Variants in PEX14 observed in about 807,000 individuals in gnomAD.
PEX14 encodes the protein peroxisomal biogenesis factor 14, also known as peroxisomal membrane protein PEX14.
In PEX14, 15 loss-of-function variants were observed where a neutral mutation model predicts 49.5. That is an observed-to-expected ratio of 0.30 (90% CI 0.20 to 0.47). PEX14 has a LOEUF of 0.47. Ranked by LOEUF, PEX14 falls within the 20% of genes least tolerant of loss-of-function variation. The pLI is 1.00. For synonymous variants in PEX14, 210 were observed against 212.7 expected, an observed-to-expected ratio of 0.99 and a Z score of 0.11; for missense variants, 398 against 494.8, an observed-to-expected ratio of 0.80 and a Z score of 1.86.
At chr1:10,506,809 G>C (rs1468305406) in intron 2 of PEX14, among the ~76,000 whole-genome samples, 2 of 152,164 alleles carry the variant, frequency 1.3e-5, no homozygotes, top group Non-Finnish European at 2.9e-5. Context: ...TGTGTTATGG[G>C]TAGGGTTTAT....
At chr1:10,577,556 ATATATATTTTT>A (rs1640175909) in intron 3 of PEX14, among the ~76,000 whole-genome samples, 5 of 5,892 alleles carry the variant, frequency 8.5e-4, no homozygotes, top group African/African-American at 1.8e-3. Flanking sequence ...ATATATATAT[ATATATATTTTT>A]TTTTTTTTTT....
chr1:10,583,224 CTT>C (rs59269485), intron 3 of PEX14, among the ~76,000 whole-genome samples: 113 of 143,092 alleles, frequency 7.9e-4, no homozygotes, highest in African/African-American at 2.5e-3. Context: ...TCTTTCTACA[CTT>C]TTTTTTTTTT....
chr1:10,624,414 G>T lies in PEX14; in HGVS notation c.562G>T (p.Ala188Ser), dbSNP rs1641686317. Reference sequence around the variant, plus strand: ...GCAGCAGCAGAAGATCCAGGAGCTTGCCCACGAGCTGGCCGCTGCCAAGGT... The same window carrying T: ...GCAGCAGCAGAAGATCCAGGAGCTTTCCCACGAGCTGGCCGCTGCCAAGGT... Reference protein sequence around the residue: ...IQQQQKIQELAHELAAAKATT... With the variant: ...IQQQQKIQELSHELAAAKATT... The change falls in exon 7 of 9, where the codon GCC becomes TCC. Residue 188 changes from alanine (A) to serine (S), a missense_variant. Physicochemically the swap from Ala to Ser is moderately conservative, Grantham distance 99. Around this residue, in one of 3 missense-constraint regions of PEX14, gnomAD observed 202 missense variants for 298.5 expected, o/e 0.68. Coordinates refer to ENST00000356607, the MANE Select transcript of PEX14 (RefSeq NM_004565.3). 1 of 1,612,736 alleles carries T rather than the reference G, an allele frequency of 6.2e-7. No homozygotes were observed. Among genetic ancestry groups the T allele is most frequent in the South Asian group, 1.1e-5 (1 of 91,060 alleles).
chr1:10,610,372 TACACAC>T lies in PEX14; in HGVS notation c.299-7938_299-7933del, dbSNP rs996925845. ...ATAACTTTACATATATATATATATA[TACACAC>T]ACACACACACACACACACACATATA... On this transcript the variant is annotated intron_variant, in intron 4 of 8. Coordinates refer to ENST00000356607, the MANE Select transcript of PEX14 (RefSeq NM_004565.3). Among the ~76,000 whole-genome samples, 1,067 of 129,058 alleles carry T rather than the reference TACACAC, an allele frequency of 8.3e-3. 14 individuals carry two copies. The highest frequency in any genetic ancestry group is 0.032 in the African/African-American group (1,021 of 32,082). 84.7% of individuals were successfully genotyped at this position (129,058 alleles called of 152,430 possible). A position where few individuals can be genotyped will look rare whatever the true frequency, so the allele number is the denominator to read the frequency against.
chr1:10,499,723 A>G (rs534841733), intron 2 of PEX14, among the ~76,000 whole-genome samples: 2 of 152,280 alleles, frequency 1.3e-5, no homozygotes, highest in East Asian at 3.9e-4. Context: ...CTGGGATTAC[A>G]GGTGTGAGCC....
intron 5 of PEX14, among the ~76,000 whole-genome samples, chr1:10,619,180 CA>C (rs1161558234): frequency 6.6e-6 from 1 of 152,118 alleles, no homozygotes; most frequent in East Asian, 1.9e-4. Flanking sequence ...TGTGAAGGCC[CA>C]ACTTGGACGT....
intron 3 of PEX14, among the ~76,000 whole-genome samples, chr1:10,549,557 A>G (rs1163696399): frequency 1.3e-5 from 2 of 152,190 alleles, no homozygotes; most frequent in African/African-American, 4.8e-5. Flanking sequence ...TTCCCAATCA[A>G]AGGCTCTCCT....
chr1:10,555,116 G>A (rs879376064), intron 3 of PEX14, among the ~76,000 whole-genome samples: 3 of 151,954 alleles, frequency 2.0e-5, no homozygotes, highest in Non-Finnish European at 4.4e-5. Flanking sequence ...CCACCTGCAG[G>A]ACTGACCCTA....
intron 3 of PEX14, among the ~76,000 whole-genome samples, chr1:10,591,839 G>A (rs899839455): frequency 3.9e-5 from 6 of 152,182 alleles, no homozygotes; most frequent in African/African-American, 1.4e-4. Flanking sequence ...CATGCTCCCC[G>A]CCCCCTGCCC....
At chr1:10,533,394 C>T (rs1447371097) in intron 2 of PEX14, among the ~76,000 whole-genome samples, 1 of 152,086 alleles carries the variant, frequency 6.6e-6, no homozygotes, top group East Asian at 1.9e-4. Context: ...AGAAATTGTT[C>T]ATATTTTTGC....
At chr1:10,475,032 G>A (rs776689876) in intron 1 of PEX14, 30 bp downstream of exon 1, 6 of 1,597,956 alleles carry the variant, frequency 3.8e-6, no homozygotes, top group African/African-American at 1.3e-5. Context: ...CCCGCTGTGC[G>A]GCGGAGACCC....
intron 3 of PEX14, among the ~76,000 whole-genome samples, chr1:10,589,355 G>T (rs1351067212): frequency 6.6e-6 from 1 of 152,170 alleles, no homozygotes; most frequent in African/African-American, 2.4e-5. Flanking sequence ...TGCAACACTT[G>T]TGGAGTGAAA....
chr1:10,558,298 G>A (rs562169034), intron 3 of PEX14, among the ~76,000 whole-genome samples: 12 of 151,894 alleles, frequency 7.9e-5, no homozygotes, highest in East Asian at 3.9e-4. Context: ...GTGAGCCACC[G>A]TGCCCGGCCT....
Position 10,497,278 on chromosome 1 carries a change from T to G in PEX14, c.84+1957T>G, listed in dbSNP as rs567720431. 9.9e-4 allele frequency among the ~76,000 whole-genome samples: 151 copies of G among 152,232 alleles called. 1 individual carries two copies. Among genetic ancestry groups the G allele is most frequent in the African/African-American group, 3.5e-3 (145 of 41,554 alleles). On this transcript the variant is annotated intron_variant, in intron 2 of 8. Coordinates refer to ENST00000356607, the MANE Select transcript of PEX14 (RefSeq NM_004565.3). Reference sequence around the variant, plus strand: ...TCAGGCAGAGGAGCCCGCTGAGGACTCGTGTGGCAGGGCGGGGGCACAAGA... The same window carrying G: ...TCAGGCAGAGGAGCCCGCTGAGGACGCGTGTGGCAGGGCGGGGGCACAAGA...
At chr1:10,546,433 C>G (rs1034018628) in intron 3 of PEX14, among the ~76,000 whole-genome samples, 2 of 151,794 alleles carry the variant, frequency 1.3e-5, no homozygotes, top group African/African-American at 4.8e-5. Context: ...GGTGTGGTGA[C>G]GCTTACCTGT....
intron 1 of PEX14, among the ~76,000 whole-genome samples, chr1:10,481,823 CTT>C (rs34612970): frequency 1.2e-3 from 137 of 116,652 alleles, no homozygotes; most frequent in Non-Finnish European, 1.3e-3. Flanking sequence ...CCATTCTACT[CTT>C]TTTTTTTTTT....
intron 5 of PEX14, 86 bp downstream of exon 5, chr1:10,618,503 G>A: frequency 9.9e-7 from 1 of 1,014,230 alleles, no homozygotes; most frequent in East Asian, 2.4e-5. Context: ...CTGCATGGAG[G>A]CACTGCCGTG....
At chr1:10,621,342 CTTTTTT>C (rs930417764) in intron 5 of PEX14, among the ~76,000 whole-genome samples, 1 of 108,028 alleles carries the variant, frequency 9.3e-6, no homozygotes. Flanking sequence ...TATATGAATT[CTTTTTT>C]TTTTTTTTTT....
Position 10,533,979 on chromosome 1 carries a change from G to A in PEX14, c.85-2234G>A, listed in dbSNP as rs1158985304. Among the ~76,000 whole-genome samples the A allele has an allele frequency of 2.0e-5, 3 of 152,294 alleles. No homozygotes were observed. The East Asian group carries it at 5.8e-4, about 29-fold the overall frequency. On this transcript the variant is annotated intron_variant, in intron 2 of 8. Coordinates refer to ENST00000356607, the MANE Select transcript of PEX14 (RefSeq NM_004565.3). Reference sequence around the variant, plus strand: ...ATATACCAAGGACTATATTAAAAAAGCAAGGTGAAACCTGTGTGTTCCAGT... The same window carrying A: ...ATATACCAAGGACTATATTAAAAAAACAAGGTGAAACCTGTGTGTTCCAGT...
Sources: allele counts gnomAD v4.1 joint callset (sites outside exome capture counted in the v4.1 genomes callset), GRCh38; gene constraint gnomAD v4.1.1; regional missense constraint gnomAD v4.1.1; transcripts MANE v1.5; gene names NCBI Gene and HGNC (gene_info 2026-07-23, HGNC 2026-07-21).